Variants in TAFA1 observed in about 807,000 individuals in gnomAD.
TAFA1 encodes chemokine-like protein TAFA-1.
TAFA1 carries 4 observed loss-of-function variants against 18.5 expected under a neutral mutation model. That is an observed-to-expected ratio of 0.22 (90% CI 0.11 to 0.49). The LOEUF is 0.49. Among genes scored for constraint, TAFA1 ranks in the 20% least tolerant of loss-of-function variants. The pLI, the probability that TAFA1 is intolerant of heterozygous loss-of-function variation, is 0.98. For synonymous variants in TAFA1, 56 were observed against 55.2 expected (o/e 1.01, Z -0.06); for missense variants, 147 against 169.0 (o/e 0.87, Z 0.72).
chr3:68,403,434 C>T (rs969106307), intron 2 of TAFA1, among the ~76,000 whole-genome samples: 1 of 152,208 alleles, frequency 6.6e-6, no homozygotes, highest in African/African-American at 2.4e-5. Flanking sequence ...TACTCAGGGA[C>T]TAGATCTTCT....
chr3:68,501,525 A>C (rs1446366940), intron 3 of TAFA1, among the ~76,000 whole-genome samples: 1 of 152,220 alleles, frequency 6.6e-6, no homozygotes, highest in Non-Finnish European at 1.5e-5. Flanking sequence ...CAGAAATGGA[A>C]ATGAAAACTA....
At chr3:68,423,356 C>G (rs1559663433) in intron 3 of TAFA1, among the ~76,000 whole-genome samples, 1 of 152,096 alleles carries the variant, frequency 6.6e-6, no homozygotes, top group Non-Finnish European at 1.5e-5. Flanking sequence ...TGGTGACTGA[C>G]TCAAAAATCA....
chr3:68,444,771 A>AATATATATAT (rs55684696), intron 3 of TAFA1, among the ~76,000 whole-genome samples: 566 of 127,118 alleles, frequency 4.5e-3, no homozygotes, highest in Non-Finnish European at 6.9e-3. Flanking sequence ...GTTTCTACAA[A>AATATATATAT]ATATATATAT....
At chr3:68,213,307 A>G (rs113249510) in intron 2 of TAFA1, among the ~76,000 whole-genome samples, 5 of 152,224 alleles carry the variant, frequency 3.3e-5, no homozygotes, top group African/African-American at 1.2e-4. Flanking sequence ...CATAGCACCC[A>G]GATCTAGCTC....
At chr3:68,407,511 C>G (rs2070634264) in intron 2 of TAFA1, among the ~76,000 whole-genome samples, 1 of 152,190 alleles carries the variant, frequency 6.6e-6, no homozygotes, top group African/African-American at 2.4e-5. Flanking sequence ...CTACTGTTCA[C>G]TATAGGATGC....
At chr3:68,009,895 A>G (rs933059044) in intron 2 of TAFA1, among the ~76,000 whole-genome samples, 14 of 152,314 alleles carry the variant, frequency 9.2e-5, no homozygotes, top group Non-Finnish European at 1.9e-4. Context: ...ATCTGTGACA[A>G]TCCACCCCTA....
chr3:68,210,195 G>T (rs1261497642), intron 2 of TAFA1, among the ~76,000 whole-genome samples: 2 of 151,956 alleles, frequency 1.3e-5, no homozygotes, highest in African/African-American at 4.8e-5. Context: ...AAAACCTGAA[G>T]AAAATGAAAT....
intron 2 of TAFA1, among the ~76,000 whole-genome samples, chr3:68,339,934 T>C (rs1316172814): frequency 6.6e-6 from 1 of 152,234 alleles, no homozygotes; most frequent in Non-Finnish European, 1.5e-5. Flanking sequence ...AATGCAGCTA[T>C]GAGACAGCTC....
chr3:68,386,062 G>A lies in TAFA1; in HGVS notation c.119-31218G>A, dbSNP rs562252518. Among the ~76,000 whole-genome samples the A allele has an allele frequency of 2.0e-5, 3 of 152,216 alleles. No homozygotes were observed. In the East Asian group the frequency reaches 5.8e-4, roughly 29 times the overall value. ...CCACAGAGTTCACATGGTCCCCCGA[G>A]CCTAATACTTTCACTATCTGGCCCT... On this transcript the variant is annotated intron_variant, in intron 2 of 4. Coordinates refer to ENST00000478136, the MANE Select transcript of TAFA1 (RefSeq NM_213609.4).
intron 2 of TAFA1, among the ~76,000 whole-genome samples, chr3:68,412,974 C>A (rs2070744120): frequency 6.6e-6 from 1 of 151,666 alleles, no homozygotes; most frequent in African/African-American, 2.4e-5. Flanking sequence ...AATGGTTGAA[C>A]TAGTTTACAG....
At chr3:68,336,771 T>G (rs970862046) in intron 2 of TAFA1, among the ~76,000 whole-genome samples, 2 of 152,254 alleles carry the variant, frequency 1.3e-5, no homozygotes, top group African/African-American at 4.8e-5. Context: ...GTCACCAGGC[T>G]GGAGTGCTGT....
chr3:68,270,547 T>A lies in TAFA1; in HGVS notation c.119-146733T>A, dbSNP rs115579231. Among the ~76,000 whole-genome samples, 122 of 152,302 alleles carry A rather than the reference T, an allele frequency of 8.0e-4. 1 individual carries two copies. Among genetic ancestry groups the A allele is most frequent in the Middle Eastern group, 3.4e-3 (1 of 294 alleles). On this transcript the variant is annotated intron_variant, in intron 2 of 4. Transcript: ENST00000478136. ...GTCAGGGAAATCATTTGGGATTTGC[T>A]TATTGTTATGTGTAAAGAATTTATG...
chr3:68,526,131 C>G (rs1159490130), intron 3 of TAFA1, among the ~76,000 whole-genome samples: 2 of 152,118 alleles, frequency 1.3e-5, no homozygotes, highest in Non-Finnish European at 2.9e-5. Context: ...CTGAAGTGGC[C>G]TAAGAGGTTT....
chr3:68,028,251 C>T (rs972805606), intron 2 of TAFA1, among the ~76,000 whole-genome samples: 1 of 151,992 alleles, frequency 6.6e-6, no homozygotes, highest in Non-Finnish European at 1.5e-5. Context: ...AATGAGCCAA[C>T]ATCATGCCAC....
upstream of TAFA1, among the ~76,000 whole-genome samples, chr3:68,000,944 T>C (rs1013016445): frequency 1.3e-5 from 2 of 148,184 alleles, no homozygotes; most frequent in Non-Finnish European, 3.0e-5. Context: ...ATTGAGTAGC[T>C]TTGGGGGATC....
At chr3:68,393,006 C>T (rs919395410) in intron 2 of TAFA1, among the ~76,000 whole-genome samples, 27 of 151,968 alleles carry the variant, frequency 1.8e-4, no homozygotes, top group African/African-American at 6.3e-4. Context: ...TAACTAAGAT[C>T]AGAACAGAAC....
chr3:68,189,372 C>A (rs537260675), intron 2 of TAFA1, among the ~76,000 whole-genome samples: 1 of 151,954 alleles, frequency 6.6e-6, no homozygotes, highest in African/African-American at 2.4e-5. Flanking sequence ...ACCATTCAAC[C>A]CTGTCCTTGT....
intron 2 of TAFA1, among the ~76,000 whole-genome samples, chr3:68,258,741 T>C (rs540953785): frequency 5.3e-5 from 8 of 152,334 alleles, no homozygotes; most frequent in Admixed American, 1.3e-4. Context: ...TGGGTACTTG[T>C]TGGAGTATCA....
At chr3:68,303,831 C>T (rs190237759) in intron 2 of TAFA1, among the ~76,000 whole-genome samples, 38 of 151,922 alleles carry the variant, frequency 2.5e-4, no homozygotes, top group Middle Eastern at 3.4e-3. Flanking sequence ...GACATGTATT[C>T]GAAAAGCAGC....
Sources: allele counts gnomAD v4.1 joint callset (sites outside exome capture counted in the v4.1 genomes callset), GRCh38; gene constraint gnomAD v4.1.1; transcripts MANE v1.5; gene names NCBI Gene and HGNC (gene_info 2026-07-23, HGNC 2026-07-21).